The following CADPS variants were observed in gnomAD, a reference collection of about 807,000 sequenced individuals.
CADPS encodes the protein calcium dependent secretion activator.
A neutral mutation model predicts 167.3 loss-of-function variants in CADPS; 57 were observed. The ratio of observed to expected loss-of-function variants is 0.34; its 90% CI spans 0.28 to 0.42. CADPS has a LOEUF of 0.42. Ranked by LOEUF, CADPS falls within the 20% of genes least tolerant of loss-of-function variation. The pLI is 1.00. For synonymous variants in CADPS, 676 were observed against 635.3 expected (o/e 1.06, Z -0.96); for missense variants, 1,414 against 1,738.1 (o/e 0.81, Z 3.32).
At chr3:62,660,913 T>C (rs2073051271) in intron 4 of CADPS, among the ~76,000 whole-genome samples, 2 of 152,238 alleles carry the variant, frequency 1.3e-5, no homozygotes, top group Non-Finnish European at 2.9e-5. Flanking sequence ...TAGACAGACC[T>C]GAGCTGAGGG....
intron 5 of CADPS, among the ~76,000 whole-genome samples, chr3:62,648,691 C>CAAAAA (rs55665003): frequency 0.15 from 8,087 of 54,556 alleles, 1,245 homozygotes; most frequent in Middle Eastern, 0.29. Flanking sequence ...GACGTTGTGT[C>CAAAAA]AAAAAAAAAA....
intron 3 of CADPS, among the ~76,000 whole-genome samples, chr3:62,697,935 C>T (rs917309365): frequency 2.0e-5 from 3 of 151,966 alleles, no homozygotes; most frequent in South Asian, 2.1e-4. Flanking sequence ...CCTTAGCCCA[C>T]TTTTTGATGG....
chr3:62,550,212 G>T, intron 10 of CADPS, 97 bp from the exon 11 acceptor site: 1 of 914,654 alleles, frequency 1.1e-6, no homozygotes, highest in Non-Finnish European at 1.8e-6. Flanking sequence ...GCTTTTCCTT[G>T]GGACAGAAGA....
In CADPS at chr3:62,874,880, G is replaced by GC; in HGVS notation, c.149dup (p.Gly51ArgfsTer84). ...CCCCGGCTCCGGCGCCGGCGCCGCC[G>GC]CCCCCCAGCCCGGCGCTGCCGGCCG... On this transcript the variant is annotated frameshift_variant, in exon 1 of 30. Transcript: ENST00000383710. LOFTEE classifies it high-confidence loss of function. The surrounding 1 kb of genome is among the most constrained non-coding windows in gnomAD (Gnocchi z 7.1). 1 of 1,189,852 alleles carries GC rather than the reference G, an allele frequency of 8.4e-7. No homozygotes were observed. The highest frequency in any genetic ancestry group is 1.0e-6 in the Non-Finnish European group (1 of 961,864). The allele number at this position is 1,189,852 out of a possible 1,614,324, so 73.7% of individuals were successfully genotyped here.
chr3:62,663,611 CAAAA>C (rs34328613), intron 3 of CADPS, among the ~76,000 whole-genome samples: 88 of 120,210 alleles, frequency 7.3e-4, no homozygotes, highest in East Asian at 3.5e-3. Context: ...TCCCTGCCTC[CAAAA>C]AAAAAAAAAA....
intron 6 of CADPS, among the ~76,000 whole-genome samples, chr3:62,622,387 T>C (rs1280531094): frequency 3.9e-5 from 6 of 152,092 alleles, no homozygotes; most frequent in Admixed American, 3.3e-4. Context: ...GGCCTTTTAG[T>C]TTTTTCCGGG....
intron 4 of CADPS, among the ~76,000 whole-genome samples, chr3:62,661,188 C>T (rs2073121573): frequency 6.6e-6 from 1 of 150,486 alleles, no homozygotes; most frequent in Non-Finnish European, 1.5e-5. Flanking sequence ...AAGACATAAC[C>T]TCAACCCTTG....
intron 26 of CADPS, among the ~76,000 whole-genome samples, chr3:62,463,753 C>T (rs1256127150): frequency 1.3e-5 from 2 of 152,150 alleles, no homozygotes; most frequent in East Asian, 3.9e-4. Flanking sequence ...AGCTGTGACA[C>T]ATTATAGGAA....
chr3:62,596,075 T>A (rs1351017937), intron 6 of CADPS, among the ~76,000 whole-genome samples: 5 of 148,752 alleles, frequency 3.4e-5, no homozygotes, highest in South Asian at 4.3e-4. Context: ...ACTCCCGTTT[T>A]TATATATATG....
chr3:62,434,312 A>G (rs893455099), intron 28 of CADPS, among the ~76,000 whole-genome samples: 13 of 152,206 alleles, frequency 8.5e-5, no homozygotes, highest in African/African-American at 3.1e-4. Flanking sequence ...CACATCTGAA[A>G]TATTATGGGA....
chr3:62,570,600 G>A (rs1218766377), intron 9 of CADPS, among the ~76,000 whole-genome samples: 1 of 152,038 alleles, frequency 6.6e-6, no homozygotes, highest in African/African-American at 2.4e-5. Context: ...ACATACTACT[G>A]TATTGTTCGA....
intron 13 of CADPS, chr3:62,530,673 C>T: frequency 7.8e-7 from 1 of 1,287,872 alleles, no homozygotes; most frequent in Non-Finnish European, 1.0e-6. Flanking sequence ...TCTTGATTTG[C>T]CTGGGTTTTG....
At chr3:62,832,101 T>C (rs1207351860) in intron 1 of CADPS, among the ~76,000 whole-genome samples, 4 of 152,192 alleles carry the variant, frequency 2.6e-5, no homozygotes, top group African/African-American at 7.2e-5. Flanking sequence ...CTGAGACCTA[T>C]TGGGTTAAGA....
chr3:62,553,723 A>G (rs1352649800), intron 10 of CADPS, among the ~76,000 whole-genome samples: 1 of 152,246 alleles, frequency 6.6e-6, no homozygotes, highest in East Asian at 1.9e-4. Flanking sequence ...CACCAAGGAA[A>G]GCAAGAAGGA....
At chr3:62,784,584 T>C (rs1461765102) in intron 1 of CADPS, among the ~76,000 whole-genome samples, 1 of 152,214 alleles carries the variant, frequency 6.6e-6, no homozygotes, top group African/African-American at 2.4e-5. Flanking sequence ...CTCTGAAGTA[T>C]TCTTGTAGAA....
At chr3:62,624,438 T>C (rs1379679773) in intron 6 of CADPS, among the ~76,000 whole-genome samples, 1 of 152,124 alleles carries the variant, frequency 6.6e-6, no homozygotes, top group Non-Finnish European at 1.5e-5. Flanking sequence ...AATGAATTGT[T>C]CTCTGTTAAG....
intron 11 of CADPS, among the ~76,000 whole-genome samples, chr3:62,547,817 C>G (rs542506408): frequency 8.2e-4 from 125 of 152,202 alleles, no homozygotes; most frequent in Non-Finnish European, 1.4e-3. Context: ...AGAGACATCT[C>G]TTCTTCAGCA....
intron 3 of CADPS, among the ~76,000 whole-genome samples, chr3:62,723,697 C>T (rs544648928): frequency 1.3e-5 from 2 of 152,178 alleles, no homozygotes; most frequent in Non-Finnish European, 2.9e-5. Context: ...GTGTCTGAGC[C>T]GCTCAGGAGA....
chr3:62,441,981 A>G (rs2056390395), intron 27 of CADPS, among the ~76,000 whole-genome samples: 1 of 152,214 alleles, frequency 6.6e-6, no homozygotes, highest in Non-Finnish European at 1.5e-5. Context: ...GCTCCACCCC[A>G]GAATGACTGA....
Sources: allele counts gnomAD v4.1 joint callset (sites outside exome capture counted in the v4.1 genomes callset), GRCh38; gene constraint gnomAD v4.1.1; non-coding constraint Gnocchi (gnomAD v3.1); transcripts MANE v1.5; gene names NCBI Gene and HGNC (gene_info 2026-07-23, HGNC 2026-07-21).